The following MAP4K5 variants were observed in gnomAD, a reference collection of about 807,000 sequenced individuals.
The protein encoded by MAP4K5 is mitogen-activated protein kinase kinase kinase kinase 5.
Under a neutral mutation model 135.6 loss-of-function variants are expected in MAP4K5, and 82 were observed. That is an observed-to-expected ratio of 0.60 (90% CI 0.51 to 0.73). The LOEUF is 0.73. MAP4K5 is among the 30% of genes least tolerant of loss of function. The pLI is 0.00. For missense variants in MAP4K5, 907 were observed against 1,010.9 expected (o/e 0.90, Z 1.39); for synonymous variants, 347 against 335.0 (o/e 1.04, Z -0.39).
chr14:50,464,600 C>T (rs1216869786), intron 11 of MAP4K5, among the ~76,000 whole-genome samples: 1 of 152,078 alleles, frequency 6.6e-6, no homozygotes, highest in Non-Finnish European at 1.5e-5. Context: ...ATTTTAGCAA[C>T]TAGAAGGGTT....
At chr14:50,455,648 T>A (rs1466188646) in intron 14 of MAP4K5, among the ~76,000 whole-genome samples, 1 of 152,084 alleles carries the variant, frequency 6.6e-6, no homozygotes, top group African/African-American at 2.4e-5. Context: ...CTAGAAATGT[T>A]TGGGTTTATG....
At chr14:50,518,996 ATAAT>A (rs1456362507) in intron 2 of MAP4K5, among the ~76,000 whole-genome samples, 1 of 152,204 alleles carries the variant, frequency 6.6e-6, no homozygotes, top group Non-Finnish European at 1.5e-5. Context: ...ATTTAAAGAA[ATAAT>A]TAAGATTGTG....
chr14:50,456,608 C>T lies in MAP4K5; in HGVS notation c.937-14G>A, dbSNP rs1281406288. 16 of 1,505,248 alleles carry T rather than the reference C, an allele frequency of 1.1e-5. No homozygotes were observed. Among genetic ancestry groups the T allele is most frequent in the Non-Finnish European group, 1.4e-5 (16 of 1,110,332 alleles). The allele number at this position is 1,505,248 out of a possible 1,614,324, so 93.2% of individuals were successfully genotyped here. On this transcript the variant is annotated splice_polypyrimidine_tract_variant and intron_variant, in intron 13 of 32. Coordinates refer to ENST00000682126, the MANE Select transcript of MAP4K5 (RefSeq NM_006575.6). ...GATTGCATGGGGCTGTGAATATAAGCATAATATATATACTTTAACAAATTT... is the reference window on the plus strand; with the variant it reads ...GATTGCATGGGGCTGTGAATATAAGTATAATATATATACTTTAACAAATTT...
chr14:50,456,578 C>T lies in MAP4K5; in HGVS notation c.953G>A (p.Arg318His), dbSNP rs1318036710. The T allele has an allele frequency of 9.5e-6, 15 of 1,572,276 alleles. No individual in the cohort carries two copies. Among genetic ancestry groups the T allele is most frequent in the African/African-American group, 1.4e-5 (1 of 73,862 alleles). The change falls in exon 14 of 33, where the codon CGT becomes CAT. Residue 318 changes from arginine (R) to histidine (H), a missense_variant. Around this residue, in one of 3 missense-constraint regions of MAP4K5, gnomAD observed 690 missense variants for 777.4 expected, o/e 0.89. Transcript: ENST00000682126. The part of the protein sequence containing the change: ...DDDFEPHAII[R>H]HTIRSTNRNA... ...CCTGTTTGTAGATCTAATGGTATGA[C>T]GAATGATTGCATGGGGCTGTGAATA...
chr14:50,440,286 C>A, intron 22 of MAP4K5, 76 bp downstream of exon 22: 1 of 1,003,200 alleles, frequency 1.0e-6, no homozygotes, highest in Non-Finnish European at 1.5e-6. Flanking sequence ...GGGGCCTACA[C>A]AGATTGATTT....
At chr14:50,525,961 A>C (rs2038255134) in intron 2 of MAP4K5, among the ~76,000 whole-genome samples, 1 of 152,218 alleles carries the variant, frequency 6.6e-6, no homozygotes, top group Admixed American at 6.5e-5. Flanking sequence ...AAAATAATAA[A>C]AATAAATAAT....
intron 11 of MAP4K5, among the ~76,000 whole-genome samples, chr14:50,465,763 T>C (rs959647434): frequency 4.6e-5 from 7 of 151,874 alleles, no homozygotes; most frequent in Non-Finnish European, 7.4e-5. Context: ...AATTATTGAG[T>C]TTTATGAGAA....
chr14:50,428,506 T>C (rs1484606601), intron 30 of MAP4K5, among the ~76,000 whole-genome samples, 156 bp downstream of exon 30: 1 of 152,226 alleles, frequency 6.6e-6, no homozygotes, highest in Non-Finnish European at 1.5e-5. Flanking sequence ...TCTGCCCACC[T>C]TGGCCTCCCA....
intron 31 of MAP4K5, among the ~76,000 whole-genome samples, chr14:50,424,188 G>T (rs997664296): frequency 6.6e-6 from 1 of 151,830 alleles, no homozygotes; most frequent in African/African-American, 2.4e-5. Context: ...AAAAAGTCTG[G>T]TATCAAGGAG....
At chr14:50,425,878 G>A (rs1302868816) in intron 31 of MAP4K5, 29 bp downstream of exon 31, 1 of 1,515,222 alleles carries the variant, frequency 6.6e-7, no homozygotes, top group Non-Finnish European at 9.1e-7. Flanking sequence ...GTTAGTGGGA[G>A]TCAGTGGAGG....
intron 2 of MAP4K5, among the ~76,000 whole-genome samples, chr14:50,517,140 A>C (rs2038049764): frequency 6.6e-6 from 1 of 151,918 alleles, no homozygotes; most frequent in Non-Finnish European, 1.5e-5. Context: ...AGGTTTCTAC[A>C]AAATTACAAT....
At chr14:50,560,519 C>G (rs2038825791) in intron 1 of MAP4K5, 1 of 605,690 alleles carries the variant, frequency 1.7e-6, no homozygotes, top group African/African-American at 1.9e-5. Context: ...TGCAGCTTCG[C>G]GCAGGCCGGG....
At chr14:50,477,906 G>A (rs1169365730) in intron 6 of MAP4K5, among the ~76,000 whole-genome samples, 4 of 152,004 alleles carry the variant, frequency 2.6e-5, no homozygotes, top group Non-Finnish European at 4.4e-5. Flanking sequence ...AAGAACATTA[G>A]CCTGTAGTTT....
intron 5 of MAP4K5, among the ~76,000 whole-genome samples, chr14:50,485,026 C>T (rs1348243484): frequency 1.3e-5 from 2 of 151,906 alleles, no homozygotes; most frequent in Non-Finnish European, 2.9e-5. Flanking sequence ...TTGCCAGCAG[C>T]AACAAAACAA....
At chr14:50,456,287 T>C in intron 14 of MAP4K5, 1 of 486,178 alleles carries the variant, frequency 2.1e-6, no homozygotes, top group Non-Finnish European at 3.6e-6. Context: ...TCTTGCAGAT[T>C]TTCAGCAATG....
At chr14:50,420,290 AT>A (rs1459916762) in intron 32 of MAP4K5, among the ~76,000 whole-genome samples, 184 bp from the exon 33 acceptor site, 2 of 152,214 alleles carry the variant, frequency 1.3e-5, no homozygotes, top group Non-Finnish European at 2.9e-5. Flanking sequence ...ATTGATGAAT[AT>A]AAAATATTGA....
chr14:50,560,373 A>G, intron 1 of MAP4K5: 1 of 1,566,872 alleles, frequency 6.4e-7, no homozygotes, highest in Non-Finnish European at 8.7e-7. Context: ...CTGTGGAGAC[A>G]GGGAGGGCCA....
At chr14:50,498,925 T>C (rs965037232) in intron 3 of MAP4K5, among the ~76,000 whole-genome samples, 13 of 152,228 alleles carry the variant, frequency 8.5e-5, no homozygotes, top group South Asian at 2.1e-4. Flanking sequence ...CTAAATACAG[T>C]TGAGAATTCA....
chr14:50,521,936 T>A (rs1353145785), intron 2 of MAP4K5, among the ~76,000 whole-genome samples: 3 of 152,276 alleles, frequency 2.0e-5, no homozygotes, highest in African/African-American at 7.2e-5. Flanking sequence ...CCAAGTGAAT[T>A]CATTTATCTT....
Sources: allele counts gnomAD v4.1 joint callset (sites outside exome capture counted in the v4.1 genomes callset), GRCh38; gene constraint gnomAD v4.1.1; regional missense constraint gnomAD v4.1.1; transcripts MANE v1.5; gene names NCBI Gene and HGNC (gene_info 2026-07-23, HGNC 2026-07-21).